The following STN1 variants were observed in gnomAD, a reference collection of about 807,000 sequenced individuals.
STN1 encodes CST complex subunit STN1.
A neutral mutation model predicts 45.5 loss-of-function variants in STN1; 29 were observed. That is an observed-to-expected ratio of 0.64 (90% confidence interval 0.47 to 0.87). The LOEUF is 0.87. Ranked by LOEUF, STN1 falls within the 40% of genes least tolerant of loss-of-function variation. The pLI, the probability that STN1 is intolerant of heterozygous loss-of-function variation, is 0.00. For synonymous variants in STN1, 148 were observed against 159.0 expected (o/e 0.93, Z 0.52); for missense variants, 376 against 441.4 (o/e 0.85, Z 1.33).
At chr10:103,909,420 ATATG>A (rs1564635011) in intron 3 of STN1, among the ~76,000 whole-genome samples, 102 of 36,646 alleles carry the variant, frequency 2.8e-3, no homozygotes, top group Non-Finnish European at 3.0e-3. Context: ...ATATATGTAT[ATATG>A]TATATATATG....
At chr10:103,897,467 C>T in intron 7 of STN1, 81 bp downstream of exon 7, 1 of 1,226,860 alleles carries the variant, frequency 8.2e-7, no homozygotes. Context: ...AATCTTCATG[C>T]CACAGTCACT....
At chr10:103,904,998 T>C in intron 4 of STN1, 93 bp downstream of exon 4, 1 of 1,094,164 alleles carries the variant, frequency 9.1e-7, no homozygotes, top group Non-Finnish European at 1.4e-6. Context: ...CAGATAAATG[T>C]GAAAATTTAG....
chr10:103,909,404 A>AAG lies in STN1; in HGVS notation c.229+1122_229+1123insCT, dbSNP rs1564634950. ...TGTATATATATGTATATATGTATAT[A>AAG]TATGTATATATGTATATATGTATAT... is the stretch of plus-strand genomic sequence containing the variant. On this transcript the variant is annotated intron_variant, in intron 3 of 9. Coordinates refer to ENST00000224950, the MANE Select transcript of STN1 (RefSeq NM_024928.5). Among the ~76,000 whole-genome samples the AAG allele has an allele frequency of 6.4e-3, 431 of 67,072 alleles. 75 individuals are homozygous for AAG. Among genetic ancestry groups the AAG allele is most frequent in the Non-Finnish European group, 0.01 (335 of 32,920 alleles). 44.0% of individuals were successfully genotyped at this position (67,072 alleles called of 152,430 possible).
intron 7 of STN1, among the ~76,000 whole-genome samples, chr10:103,893,582 T>C (rs573669468): frequency 6.6e-6 from 1 of 152,168 alleles, no homozygotes; most frequent in Non-Finnish European, 1.5e-5. Flanking sequence ...CCTACCTCTA[T>C]TGAAAGGTAC....
chr10:103,917,344 C>G lies in STN1; in HGVS notation c.133+118G>C. On this transcript the variant is annotated intron_variant, in intron 2 of 9. Transcript: ENST00000224950. ...CTCATGCGAAGGTCCAGGCTAGGTC[C>G]CTTTCAAAGCCTGCAGCAGGGAAGG... 1.1e-5 allele frequency: 9 copies of G among 839,360 alleles called. No individual in the cohort carries two copies. The South Asian group carries it at 1.7e-4, about 16-fold the overall frequency. The allele number at this position is 839,360 out of a possible 1,614,324, so 52.0% of individuals were successfully genotyped here. A position where few individuals can be genotyped will look rare whatever the true frequency, so the allele number is the denominator to read the frequency against.
intron 2 of STN1, among the ~76,000 whole-genome samples, chr10:103,914,669 C>CA (rs1479241801): frequency 2.5e-4 from 37 of 149,422 alleles, no homozygotes; most frequent in Non-Finnish European, 4.4e-4. Context: ...TTTTTTAATG[C>CA]AAAAAAAACC....
At chr10:103,891,898 G>C (rs1423999339) in intron 8 of STN1, among the ~76,000 whole-genome samples, 1 of 152,098 alleles carries the variant, frequency 6.6e-6, no homozygotes, top group Non-Finnish European at 1.5e-5. Context: ...ATCTGCATTT[G>C]GTTGAAAAAG....
intron 2 of STN1, among the ~76,000 whole-genome samples, chr10:103,916,010 T>C (rs917074102): frequency 3.9e-5 from 6 of 152,186 alleles, no homozygotes; most frequent in African/African-American, 9.7e-5. Flanking sequence ...AACCACTCAC[T>C]TCCTGCTGTG....
At chr10:103,886,789 T>C (rs556557685) in intron 9 of STN1, among the ~76,000 whole-genome samples, 96 of 152,378 alleles carry the variant, frequency 6.3e-4, no homozygotes, top group Middle Eastern at 3.4e-3. Context: ...ACCCATCTTG[T>C]AGGTACTATT....
At chr10:103,912,989 T>C (rs991613450) in intron 2 of STN1, among the ~76,000 whole-genome samples, 37 of 152,360 alleles carry the variant, frequency 2.4e-4, no homozygotes, top group African/African-American at 8.2e-4. Flanking sequence ...GAAATGTCTT[T>C]CCAGTTGGTT....
At chr10:103,886,300 A>C (rs958758122) in intron 9 of STN1, among the ~76,000 whole-genome samples, 1 of 152,204 alleles carries the variant, frequency 6.6e-6, no homozygotes, top group Admixed American at 6.5e-5. Flanking sequence ...TGATTTGGTG[A>C]TCAAATAGGA....
chr10:103,889,166 G>A (rs1183694907), intron 8 of STN1, 22 bp from the exon 9 acceptor site: 10 of 1,529,184 alleles, frequency 6.5e-6, no homozygotes, highest in African/African-American at 1.4e-5. Context: ...AAATAGTTGA[G>A]AGAGAGAGTG....
At chr10:103,909,510 G>GTGTGTA (rs1843274686) in intron 3 of STN1, among the ~76,000 whole-genome samples, 2 of 39,834 alleles carry the variant, frequency 5.0e-5, no homozygotes, top group Non-Finnish European at 6.9e-5. Flanking sequence ...ATGTATATAT[G>GTGTGTA]TATATATGTA....
At chr10:103,899,059 C>G in intron 5 of STN1, 59 bp from the exon 6 acceptor site, 1 of 1,585,204 alleles carries the variant, frequency 6.3e-7, no homozygotes, top group South Asian at 1.1e-5. Flanking sequence ...GAGATCAATT[C>G]TTTCCCAGGC....
At chr10:103,913,623 T>C (rs1589504049) in intron 2 of STN1, among the ~76,000 whole-genome samples, 1 of 152,234 alleles carries the variant, frequency 6.6e-6, no homozygotes, top group East Asian at 1.9e-4. Flanking sequence ...ACGTATCAGA[T>C]GCACAGCATC....
chr10:103,909,700 A>G (rs1451205348), intron 3 of STN1, among the ~76,000 whole-genome samples: 1 of 152,008 alleles, frequency 6.6e-6, no homozygotes, highest in African/African-American at 2.4e-5. Flanking sequence ...AGGGACTGCC[A>G]ATGAAACGCT....
At chr10:103,910,718 T>C (rs1843284695) in intron 2 of STN1, 96 bp from the exon 3 acceptor site, 1 of 650,692 alleles carries the variant, frequency 1.5e-6, no homozygotes, top group Non-Finnish European at 2.7e-6. Flanking sequence ...TGTAAAAAAA[T>C]CAATCCATGC....
chr10:103,910,378 G>T, intron 3 of STN1, 149 bp downstream of exon 3: 1 of 474,410 alleles, frequency 2.1e-6, no homozygotes, highest in Non-Finnish European at 3.9e-6. Flanking sequence ...CCCGTGTCTG[G>T]GGCTATAAGG....
At chr10:103,913,144 T>C (rs1387070724) in intron 2 of STN1, among the ~76,000 whole-genome samples, 1 of 152,176 alleles carries the variant, frequency 6.6e-6, no homozygotes, top group Non-Finnish European at 1.5e-5. Context: ...GAACAAAAGG[T>C]ATTCTTCCTG....
Sources: allele counts gnomAD v4.1 joint callset (sites outside exome capture counted in the v4.1 genomes callset), GRCh38; gene constraint gnomAD v4.1.1; transcripts MANE v1.5; gene names NCBI Gene and HGNC (gene_info 2026-07-23, HGNC 2026-07-21).